The following LAS1L variants were observed in gnomAD, a reference collection of about 807,000 sequenced individuals.
LAS1L encodes the protein LAS1 like ribosome biogenesis factor.
Under a neutral mutation model 57.3 loss-of-function variants are expected in LAS1L, and 5 were observed. The observed-to-expected ratio is 0.09, with a 90% CI of 0.05 to 0.18. The LOEUF is 0.18. Among genes scored for constraint, LAS1L ranks in the 10% least tolerant of loss-of-function variants. LAS1L has a pLI of 1.00. For missense variants in LAS1L, 360 were observed against 568.3 expected, an observed-to-expected ratio of 0.63 and a Z score of 3.73; for synonymous variants, 245 against 231.7, an observed-to-expected ratio of 1.06 and a Z score of -0.52.
rs761874790 is a variant in LAS1L, at chrX:65,519,838, G to A, written c.1449-1373C>T. ...TGGTCAGTGGGGGCAGGGCTGGGGG[G>A]CTGATGACTTCACTGGAGATCCTGT... On this transcript the variant is annotated intron_variant, in intron 11 of 13. Coordinates refer to ENST00000374811, the MANE Select transcript of LAS1L (RefSeq NM_031206.7). Among the ~76,000 whole-genome samples the A allele has an allele frequency of 2.7e-5, 3 of 111,428 alleles. No individual in the cohort carries two copies. In the East Asian group the frequency reaches 8.5e-4, roughly 31 times the overall value.
intron 1 of LAS1L, 97 bp downstream of exon 1, chrX:65,534,382 AG>A: frequency 1.5e-6 from 1 of 647,895 alleles, no homozygotes; most frequent in Non-Finnish European, 2.3e-6. Context: ...TAGGCGACTT[AG>A]GGGAAGACTG....
intron 5 of LAS1L, 94 bp from the exon 6 acceptor site, chrX:65,529,352 T>C (rs1449962915): frequency 2.2e-5 from 18 of 807,031 alleles, no homozygotes; most frequent in Non-Finnish European, 3.0e-5. Context: ...TCTTGAGTTG[T>C]AATTGAGGAA....
rs750390176 is a variant in LAS1L at position 65,512,857 on chromosome X, T to C, written c.2123A>G (p.Asn708Ser). The C allele has an allele frequency of 1.7e-6, 2 of 1,167,126 alleles. No individual in the cohort carries two copies. The highest frequency in any genetic ancestry group is 5.2e-5 in the Admixed American group (2 of 38,766). Reference protein sequence around the residue: ...SCGVGSGNCSNSSSSNFEGLL... With the variant: ...SCGVGSGNCSSSSSSNFEGLL... ...GCCCTCGAAGTTGCTGCTGCTGCTG[T>C]TGCTGCAGTTGCCACTGCCGACACC... Residue 708 changes from asparagine (N) to serine (S), a missense_variant, in exon 14 of 14, where the codon AAC becomes AGC. Asn to Ser is a conservative substitution (Grantham distance 46, BLOSUM62 1). Coordinates refer to ENST00000374811, the MANE Select transcript of LAS1L (RefSeq NM_031206.7).
In LAS1L at chrX:65,517,904, T is replaced by C. The variant is rs1394184066; in HGVS notation, c.1927+83A>G. 1.8e-5 allele frequency: 20 copies of C among 1,111,902 alleles called. No individual in the cohort carries two copies. In the Admixed American group the frequency reaches 6.4e-4, roughly 36 times the overall value. The allele number at this position is 1,111,902 out of a possible 1,213,427, so 91.6% of individuals were successfully genotyped here. On this transcript the variant is annotated intron_variant, in intron 12 of 13. Coordinates refer to ENST00000374811, the MANE Select transcript of LAS1L (RefSeq NM_031206.7). ...TCACATTGGCTACCTCCTGCTACTT[T>C]CCATCTCTTCCTAGGGTAGAAGGAA...
chrX:65,534,194 G>A lies in LAS1L; in HGVS notation c.236+286C>T, dbSNP rs142624834. 0.015 allele frequency among the ~76,000 whole-genome samples: 1,652 copies of A among 112,127 alleles called. 41 individuals carry two copies. The highest frequency in any genetic ancestry group is 0.052 in the African/African-American group (1,593 of 30,850). On this transcript the variant is annotated intron_variant, in intron 1 of 13. Coordinates refer to ENST00000374811, the MANE Select transcript of LAS1L (RefSeq NM_031206.7). ...TTAAGCCCTGGCTCAGGCCTCACTA[G>A]TCCCTCCGGCATCCTCTCCAAGTTG...
At chrX:65,519,615 C>T (rs2068772104) in intron 11 of LAS1L, among the ~76,000 whole-genome samples, 1 of 111,952 alleles carries the variant, frequency 8.9e-6, no homozygotes, top group Admixed American at 9.4e-5. Context: ...AGCAAAACCA[C>T]CAACAGATAC....
At chrX:65,515,049 G>C (rs1235368191) in intron 12 of LAS1L, 76 bp from the exon 13 acceptor site, 2 of 1,009,597 alleles carry the variant, frequency 2.0e-6, no homozygotes, top group African/African-American at 3.9e-5. Flanking sequence ...TGCTCACCCT[G>C]TCCATCCACC....
rs2068726097 is a variant in LAS1L, at chrX:65,518,357, G to A, written c.1557C>T (p.Gly519=). 8.3e-7 allele frequency: 1 copy of A among 1,210,611 alleles called. No homozygotes were observed. Among genetic ancestry groups the A allele is most frequent in the African/African-American group, 1.7e-5 (1 of 57,340 alleles). ...QSGENSLVQE[G]SEASPIGKSP... ...ACTTCCCAATGGGGGAGGCCTCAGAGCCCTCCTGCACCAGGCTGTTTTCTC... is the reference window on the plus strand; with the variant it reads ...ACTTCCCAATGGGGGAGGCCTCAGAACCCTCCTGCACCAGGCTGTTTTCTC... The change falls in exon 12 of 14, where the codon GGC becomes GGT. Residue 519 remains glycine, a synonymous_variant. Transcript: ENST00000374811.
chrX:65,523,718 A>AGAGAGG lies in LAS1L; in HGVS notation c.1301-17_1301-12dup. The AGAGAGG allele has an allele frequency of 8.5e-7, 1 of 1,174,780 alleles. No individual in the cohort carries two copies. Among genetic ancestry groups the AGAGAGG allele is most frequent in the South Asian group, 2.0e-5 (1 of 51,068 alleles). ...GGCGAGCATTCCGTCCTGAGAGAGA[A>AGAGAGG]GAGAGGATCTAAGGAGAAGGAAGCA... is the stretch of plus-strand genomic sequence containing the variant. On this transcript the variant is annotated splice_polypyrimidine_tract_variant and intron_variant, in intron 10 of 13. Transcript: ENST00000374811.
At chrX:65,530,672 G>A (rs1340347302) in intron 4 of LAS1L, among the ~76,000 whole-genome samples, 2 of 109,621 alleles carry the variant, frequency 1.8e-5, no homozygotes, top group Non-Finnish European at 3.8e-5. Context: ...AAATTAGCCA[G>A]GCATGGAGGC....
At chrX:65,527,587 C>T (rs2069231394) in intron 7 of LAS1L, among the ~76,000 whole-genome samples, 1 of 109,197 alleles carries the variant, frequency 9.2e-6, no homozygotes. Context: ...AATCCCAGCA[C>T]TTTCGGAGGT....
chrX:65,523,761 C>T (rs1391617107), intron 10 of LAS1L, 54 bp from the exon 11 acceptor site: 4 of 1,104,565 alleles, frequency 3.6e-6, no homozygotes, highest in Admixed American at 5.9e-5. Context: ...CCCCACCCAA[C>T]ATTTCACCTC....
Position 65,523,636 on chromosome X carries a change from C to T in LAS1L, c.1372G>A (p.Ala458Thr), listed in dbSNP as rs750728472. 7.5e-6 allele frequency: 9 copies of T among 1,200,108 alleles called. No homozygotes were observed. The highest frequency in any genetic ancestry group is 7.3e-5 in the South Asian group (4 of 54,981). The change falls in exon 11 of 14, where the codon GCC (alanine) becomes ACC (threonine). Residue 458 changes from alanine to threonine, a missense_variant. Ala to Thr is a moderately conservative substitution (Grantham distance 58, BLOSUM62 0). Transcript: ENST00000374811. The stretch of plus-strand genomic sequence containing the variant: ...ACCATCCGGGGCCAGTCAAGGGAGG[C>T]GGAGCAGTTGAACAGCCTCCAGCCC... ...RRGWRLFNCS[A>T]SLDWPRMVES...
chrX:65,521,320 A>G (rs2068840125), intron 11 of LAS1L: 4 of 742,202 alleles, frequency 5.4e-6, no homozygotes, highest in Non-Finnish European at 6.4e-6. Context: ...GCACGGTTCA[A>G]TTCAACGACA....
chrX:65,518,101 T>C lies in LAS1L; in HGVS notation c.1813A>G (p.Arg605Gly), dbSNP rs2068717517. The C allele has an allele frequency of 8.3e-7, 1 of 1,206,203 alleles. No individual in the cohort carries two copies. The highest frequency in any genetic ancestry group is 1.7e-5 in the African/African-American group (1 of 57,226). The change falls in exon 12 of 14, where the codon AGA becomes GGA. Residue 605 changes from arginine (R) to glycine (G), a missense_variant. This residue lies in a region of LAS1L where 123 missense variants were observed against 168.3 expected (regional missense o/e 0.73). Coordinates refer to ENST00000374811, the MANE Select transcript of LAS1L (RefSeq NM_031206.7). The part of the protein sequence containing the change: ...EDDEDDEEED[R>G]MEVGPFSTGQ... ...GTAGAGAAAGGCCCCACCTCCATTC[T>C]GTCTTCCTCTTCATCATCTTCATCA...
rs1408969339 is a variant in LAS1L, at chrX:65,528,139, G to A, written c.956+121C>T. Reference sequence around the variant, plus strand: ...TGTAGGGTCACTGTGGAGGGGATCAGGATTATCCCTGGGATTTTGTACAGC... The same window carrying A: ...TGTAGGGTCACTGTGGAGGGGATCAAGATTATCCCTGGGATTTTGTACAGC... On this transcript the variant is annotated intron_variant, in intron 7 of 13. Coordinates refer to ENST00000374811, the MANE Select transcript of LAS1L (RefSeq NM_031206.7). 4 of 485,529 alleles carry A rather than the reference G, an allele frequency of 8.2e-6. No individual in the cohort carries two copies. In the East Asian group the frequency reaches 1.1e-4, roughly 14 times the overall value. 40.0% of individuals were successfully genotyped at this position (485,529 alleles called of 1,213,427 possible).
intron 8 of LAS1L, 145 bp from the exon 9 acceptor site, chrX:65,524,759 C>T (rs1483564805): frequency 6.7e-6 from 3 of 445,315 alleles, no homozygotes; most frequent in Admixed American, 3.6e-5. Context: ...TCCCACCCCA[C>T]CCCATTCCAG....
chrX:65,513,721 G>A (rs1378556905), intron 13 of LAS1L, among the ~76,000 whole-genome samples: 1 of 112,517 alleles, frequency 8.9e-6, no homozygotes, highest in East Asian at 2.8e-4. Context: ...ACTACAGTGG[G>A]TGTGGGAGCT....
At chrX:65,513,521 A>G (rs763010713) in intron 13 of LAS1L, among the ~76,000 whole-genome samples, 71 of 112,286 alleles carry the variant, frequency 6.3e-4, no homozygotes, top group Non-Finnish European at 1.0e-3. Flanking sequence ...TGGTTACACT[A>G]CTGCAGCTGA....
Sources: gnomAD v4.1 joint callset for allele counts (sites outside exome capture counted in the v4.1 genomes callset) on GRCh38, gnomAD v4.1.1 for gene constraint, gnomAD v4.1.1 regional missense constraint, MANE v1.5 for transcripts, NCBI Gene and HGNC (gene_info 2026-07-23, HGNC 2026-07-21) for gene names.